TRIM71: variants seen among roughly 807,000 people sequenced by gnomAD.
TRIM71 encodes E3 ubiquitin-protein ligase TRIM71.
Under a neutral mutation model 61.2 loss-of-function variants are expected in TRIM71, and 9 were observed. The ratio of observed to expected loss-of-function variants is 0.15; its 90% CI spans 0.09 to 0.26. The LOEUF is 0.26. Ranked by LOEUF, TRIM71 falls within the 10% of genes least tolerant of loss-of-function variation. The pLI is 1.00. For synonymous variants in TRIM71, 645 were observed against 553.2 expected (o/e 1.17, Z -2.33); for missense variants, 998 against 1,238.7 (o/e 0.81, Z 2.92).
intron 3 of TRIM71, 52 bp downstream of exon 3, chr3:32,886,120 CCT>C (rs753815479): frequency 6.3e-7 from 1 of 1,578,158 alleles, no homozygotes; most frequent in South Asian, 1.2e-5. Context: ...CTTCCATGAA[CCT>C]CAGCAGCACT....
intron 3 of TRIM71, 88 bp downstream of exon 3, chr3:32,886,156 G>A: frequency 3.5e-6 from 5 of 1,430,018 alleles, no homozygotes; most frequent in Non-Finnish European, 4.6e-6. Context: ...TACAGATCCA[G>A]GAGCCAAGCT....
chr3:32,872,098 G>T (rs1164281112), intron 1 of TRIM71, among the ~76,000 whole-genome samples: 1 of 152,166 alleles, frequency 6.6e-6, no homozygotes, highest in Non-Finnish European at 1.5e-5. Flanking sequence ...AGTGAGCCGA[G>T]ATCGCGTCGC....
chr3:32,853,118 CTCT>C (rs138096796), intron 1 of TRIM71, among the ~76,000 whole-genome samples: 54,210 of 109,626 alleles, frequency 0.49, 9,538 homozygotes, highest in East Asian at 0.72. Context: ...CTCTCTCTCT[CTCT>C]TTTTTTTTTT....
At chr3:32,856,014 AT>A (rs922864441) in intron 1 of TRIM71, among the ~76,000 whole-genome samples, 58 of 151,370 alleles carry the variant, frequency 3.8e-4, no homozygotes, top group African/African-American at 1.3e-3. Context: ...TTATTTATTT[AT>A]TTTTGCTTTT....
At chr3:32,887,951 C>G (rs1164895025) in intron 3 of TRIM71, among the ~76,000 whole-genome samples, 1 of 152,166 alleles carries the variant, frequency 6.6e-6, no homozygotes, top group African/African-American at 2.4e-5. Flanking sequence ...CTATGGCTTT[C>G]AGATCTGTAG....
intron 1 of TRIM71, among the ~76,000 whole-genome samples, chr3:32,840,402 A>G (rs1696390566): frequency 6.6e-6 from 1 of 152,212 alleles, no homozygotes; most frequent in Admixed American, 6.5e-5. Context: ...CATAACATGA[A>G]TACAAAGACC....
At chr3:32,874,152 G>A (rs1420742197) in intron 2 of TRIM71, among the ~76,000 whole-genome samples, 167 bp downstream of exon 2, 1 of 152,088 alleles carries the variant, frequency 6.6e-6, no homozygotes, top group African/African-American at 2.4e-5. Flanking sequence ...GGTTCTGGCA[G>A]TCTCGTGAAG....
rs572598561 is a variant in TRIM71 at position 32,890,849 on chromosome 3, G to C, written c.1645G>C (p.Val549Leu). The change falls in exon 4 of 4, where the codon GTG (valine) becomes CTG (leucine). Residue 549 changes from valine (V) to leucine (L), a missense_variant. Physicochemically the swap from Val to Leu is conservative, Grantham distance 32. Around this residue, in one of 5 missense-constraint regions of TRIM71, gnomAD observed 291 missense variants for 431.2 expected, o/e 0.67. Coordinates refer to ENST00000383763, the MANE Select transcript of TRIM71 (RefSeq NM_001039111.3). This position sits in a 1 kb window ranked among gnomAD's most constrained non-coding sequence, Gnocchi z 6.2. ...EVSDQQNGTYVVSYRPQLEGE... is the reference protein window; with the variant it reads ...EVSDQQNGTYLVSYRPQLEGE... ...GAGTGATCAGCAGAATGGGACATAC[G>C]TGGTGAGTTACCGACCCCAGCTGGA... 1.2e-6 allele frequency: 2 copies of C among 1,614,232 alleles called. No homozygotes were observed. Among genetic ancestry groups the C allele is most frequent in the Non-Finnish European group, 1.7e-6 (2 of 1,180,056 alleles).
intron 1 of TRIM71, among the ~76,000 whole-genome samples, chr3:32,823,008 T>TA (rs1396208989): frequency 2.6e-5 from 4 of 152,002 alleles, no homozygotes; most frequent in African/African-American, 9.7e-5. Context: ...GTATTTCTGT[T>TA]ACCTGCTTTC....
chr3:32,833,281 A>G (rs1446101429), intron 1 of TRIM71, among the ~76,000 whole-genome samples: 1 of 149,538 alleles, frequency 6.7e-6, no homozygotes, highest in Non-Finnish European at 1.5e-5. Flanking sequence ...ATGAAATAGG[A>G]GTGCAGAATA....
intron 1 of TRIM71, among the ~76,000 whole-genome samples, chr3:32,841,169 C>T (rs1488631911): frequency 2.0e-5 from 3 of 151,862 alleles, no homozygotes; most frequent in East Asian, 2.0e-4. Flanking sequence ...GGCATAAACC[C>T]GGGAGGCGGA....
chr3:32,856,056 C>T (rs1696600148), intron 1 of TRIM71, among the ~76,000 whole-genome samples: 1 of 152,268 alleles, frequency 6.6e-6, no homozygotes, highest in African/African-American at 2.4e-5. Flanking sequence ...CTCGCTCTGT[C>T]ACTCAGGCTG....
chr3:32,850,686 T>A (rs1696528415), intron 1 of TRIM71, among the ~76,000 whole-genome samples: 2 of 152,200 alleles, frequency 1.3e-5, no homozygotes, highest in South Asian at 4.1e-4. Context: ...TCTTTGAATT[T>A]TAAGCTGAAA....
intron 2 of TRIM71, among the ~76,000 whole-genome samples, chr3:32,882,188 T>C (rs1610250): frequency 0.11 from 17,044 of 152,090 alleles, 1,255 homozygotes; most frequent in Non-Finnish European, 0.16. Flanking sequence ...TCTTTTTTTT[T>C]CTTCTAACAT....
Position 32,831,162 on chromosome 3 carries a change from G to T in TRIM71, c.852+12230G>T, listed in dbSNP as rs116492029. Among the ~76,000 whole-genome samples the T allele has an allele frequency of 8.5e-3, 1,301 of 152,222 alleles. 15 individuals carry two copies. The highest frequency in any genetic ancestry group is 0.064 in the South Asian group (309 of 4,814). Reference sequence around the variant, plus strand: ...TAGATGGGGGTGGGGGACCGTGGGGGATTTTGGAGATGAAAGGGGAAGAGT... The same window carrying T: ...TAGATGGGGGTGGGGGACCGTGGGGTATTTTGGAGATGAAAGGGGAAGAGT... On this transcript the variant is annotated intron_variant, in intron 1 of 3. Transcript: ENST00000383763.
chr3:32,825,687 G>C (rs769598164), intron 1 of TRIM71, among the ~76,000 whole-genome samples: 6 of 152,102 alleles, frequency 3.9e-5, no homozygotes, highest in Non-Finnish European at 8.8e-5. Flanking sequence ...TGACATTTTG[G>C]AAGCGAGCAA....
chr3:32,891,175 C>T lies in TRIM71; in HGVS notation c.1971C>T (p.Ala657=), dbSNP rs377719100. 110 of 1,613,424 alleles carry T rather than the reference C, an allele frequency of 6.8e-5. No individual in the cohort carries two copies. Among genetic ancestry groups the T allele is most frequent in the Middle Eastern group, 3.3e-4 (2 of 6,084 alleles). ...GSRPGQFDRP[A]GVACDASRRI... is the part of the protein sequence containing the mutation. ...GGCCTGGGCAGTTCGACCGACCAGC[C>T]GGCGTGGCCTGTGACGCCTCACGCA... Residue 657 remains alanine, a synonymous_variant, in exon 4 of 4, where the codon GCC becomes GCT. Transcript: ENST00000383763. The surrounding 1 kb of genome is among the most constrained non-coding windows in gnomAD (Gnocchi z 8.2).
In TRIM71 at chr3:32,818,854, G is replaced by A; in HGVS notation, c.774G>A (p.Pro258=). The A allele has an allele frequency of 1.2e-6, 2 of 1,612,090 alleles. No individual in the cohort carries two copies. Among genetic ancestry groups the A allele is most frequent in the Non-Finnish European group, 1.7e-6 (2 of 1,179,704 alleles). ...AAAAQQLGLG[P]PFPGPPFSIL... is the part of the protein sequence containing the mutation. ...CGGCGCAGCAGCTCGGGCTCGGGCC[G>A]CCCTTTCCCGGCCCGCCCTTCTCCA... The change falls in exon 1 of 4, where the codon CCG becomes CCA. Residue 258 remains proline, a synonymous_variant. Coordinates refer to ENST00000383763, the MANE Select transcript of TRIM71 (RefSeq NM_001039111.3).
chr3:32,873,493 T>G (rs147876863), intron 1 of TRIM71, among the ~76,000 whole-genome samples: 1 of 152,314 alleles, frequency 6.6e-6, no homozygotes, highest in African/African-American at 2.4e-5. Context: ...CAAACTCTCA[T>G]GCCAGGAGGT....
Sources: gnomAD v4.1 joint callset for allele counts (sites outside exome capture counted in the v4.1 genomes callset) on GRCh38, gnomAD v4.1.1 for gene constraint, gnomAD v4.1.1 regional missense constraint, Gnocchi (gnomAD v3.1) non-coding constraint, MANE v1.5 for transcripts, NCBI Gene and HGNC (gene_info 2026-07-23, HGNC 2026-07-21) for gene names.